NECTIN2: variants seen among roughly 807,000 people sequenced by gnomAD.
NECTIN2 encodes nectin cell adhesion molecule 2.
In NECTIN2, 23 loss-of-function variants were observed where a neutral mutation model predicts 56.9. The ratio of observed to expected loss-of-function variants is 0.40; its 90% CI spans 0.29 to 0.57. The LOEUF (loss-of-function observed/expected upper bound fraction) is 0.57. Ranked by LOEUF, NECTIN2 falls within the 20% of genes least tolerant of loss-of-function variation. The pLI is 0.38. For synonymous variants in NECTIN2, 302 were observed against 313.8 expected (o/e 0.96, Z 0.40); for missense variants, 587 against 718.3 (o/e 0.82, Z 2.09).
intron 1 of NECTIN2, among the ~76,000 whole-genome samples, chr19:44,859,707 C>T (rs1363342380): frequency 1.3e-5 from 2 of 151,984 alleles, no homozygotes; most frequent in Non-Finnish European, 2.9e-5. Context: ...CACCTGTAAT[C>T]CCAGCTACTC....
chr19:44,885,939 T>C lies in NECTIN2; in HGVS notation c.1199T>C (p.Leu400Pro). 6.3e-7 allele frequency: 1 copy of C among 1,579,778 alleles called. No individual in the cohort carries two copies. Among genetic ancestry groups the C allele is most frequent in the Non-Finnish European group, 8.7e-7 (1 of 1,149,040 alleles). ...TLQGAEEDED[L>P]EGPPSYKPPT... ...TTGTCCTACCTCCTACCCCACAGCC[T>C]GGAGGGACCTCCCTCCTACAAGCCA... is the stretch of plus-strand genomic sequence containing the variant. Residue 400 changes from leucine (L) to proline (P), a missense_variant and splice_region_variant, in exon 7 of 9, where the codon CTG (leucine) becomes CCG (proline). By Grantham distance (98) the Leu-to-Pro change is moderately conservative. Transcript: ENST00000252483.
At position 44,888,864 on chromosome 19, in the gene NECTIN2, G is replaced by A. The variant is rs576760974; in HGVS notation, c.*485G>A. The A allele has an allele frequency of 6.4e-6, 1 of 156,428 alleles. No individual in the cohort carries two copies. The highest frequency in any genetic ancestry group is 6.2e-5 in the Admixed American group (1 of 16,010). The allele number at this position is 156,428 out of a possible 1,614,324, so 9.7% of individuals were successfully genotyped here. A position where few individuals can be genotyped will look rare whatever the true frequency, so the allele number is the denominator to read the frequency against. On this transcript the variant is annotated 3_prime_UTR_variant, in exon 9 of 9. Coordinates refer to ENST00000252483, the MANE Select transcript of NECTIN2 (RefSeq NM_001042724.2). ...TCCCCACCCTGTTCCCCAAAGGTGG[G>A]AAAGAGGGGATTCCCCAGCCCAAGG...
intron 5 of NECTIN2, among the ~76,000 whole-genome samples, chr19:44,881,429 A>C (rs1404985583): frequency 6.6e-6 from 1 of 151,894 alleles, no homozygotes; most frequent in Non-Finnish European, 1.5e-5. Flanking sequence ...ATAATCCCAG[A>C]ACGTTGGGAG....
At chr19:44,849,848 C>G (rs903694251) in intron 1 of NECTIN2, among the ~76,000 whole-genome samples, 15 of 152,164 alleles carry the variant, frequency 9.9e-5, no homozygotes. Flanking sequence ...GGTATCTTCT[C>G]AGGCTAATGA....
Position 44,874,983 on chromosome 19 carries a change from C to T in NECTIN2, c.1042+505C>T, listed in dbSNP as rs1055691039. On this transcript the variant is annotated intron_variant, in intron 5 of 8. Coordinates refer to ENST00000252483, the MANE Select transcript of NECTIN2 (RefSeq NM_001042724.2). This position sits in a 1 kb window ranked among gnomAD's most constrained non-coding sequence, Gnocchi z 6.3. ...CAGGGCCACACACCTAGAGCGCGGC[C>T]GGGACTGTTAACAGAGCCATGCTTC... 1.3e-5 allele frequency among the ~76,000 whole-genome samples: 2 copies of T among 152,142 alleles called. No individual in the cohort carries two copies. The highest frequency in any genetic ancestry group is 2.9e-5 in the Non-Finnish European group (2 of 68,028).
chr19:44,846,333 A>G lies in NECTIN2; in HGVS notation c.-193A>G. On this transcript the variant is annotated 5_prime_UTR_variant, in exon 1 of 9. Coordinates refer to ENST00000252483, the MANE Select transcript of NECTIN2 (RefSeq NM_001042724.2). ...GGGTTCGAACCGCCGGAGCTGAGCG[A>G]GAGGCCGGGGGTGCCGAGCCGGGCG... is the stretch of plus-strand genomic sequence containing the variant. 1 of 593,606 alleles carries G rather than the reference A, an allele frequency of 1.7e-6. No homozygotes were observed. Among genetic ancestry groups the G allele is most frequent in the Non-Finnish European group, 2.6e-6 (1 of 381,340 alleles). 36.8% of individuals were successfully genotyped at this position (593,606 alleles called of 1,614,324 possible).
At chr19:44,878,866 G>A in intron 5 of NECTIN2, 1 of 1,303,602 alleles carries the variant, frequency 7.7e-7, no homozygotes, top group Non-Finnish European at 9.7e-7. Context: ...CGCCCCCAGA[G>A]ACTTGGTTTT....
intron 1 of NECTIN2, among the ~76,000 whole-genome samples, chr19:44,858,525 A>G (rs926231076): frequency 2.0e-5 from 3 of 151,218 alleles, no homozygotes; most frequent in African/African-American, 7.3e-5. Flanking sequence ...GTTTCACCAT[A>G]TTGGCCAGGC....
rs753332468 is a variant in NECTIN2 at position 44,868,445 on chromosome 19, CT to C, written c.478+2793del. Among the ~76,000 whole-genome samples the C allele has an allele frequency of 3.3e-3, 402 of 122,672 alleles. 1 individual carries two copies. The highest frequency in any genetic ancestry group is 0.012 in the African/African-American group (388 of 33,532). 80.5% of individuals were successfully genotyped at this position (122,672 alleles called of 152,430 possible). On this transcript the variant is annotated intron_variant, in intron 2 of 8. Transcript: ENST00000252483. ...CAGGGAAGATTTTTTTTGAAGGATG[CT>C]TTTTTTTCTTTTCCTTTTTCTTTTT...
intron 1 of NECTIN2, among the ~76,000 whole-genome samples, chr19:44,853,730 G>C (rs932445513): frequency 3.2e-4 from 49 of 152,206 alleles, no homozygotes; most frequent in African/African-American, 1.2e-3. Flanking sequence ...CTCGTGATCC[G>C]CCCTCCTCGG....
rs754602199 is a variant in NECTIN2, at chr19:44,873,985, G to A, written c.845G>A (p.Ser282Asn). The part of the protein sequence containing the change: ...WYLGRTDATL[S>N]CDVRSNPEPT... Reference sequence around the variant, plus strand: ...CTCGGCCGTACTGATGCCACCCTGAGCTGTGACGTCCGCAGCAACCCAGAG... The same window carrying A: ...CTCGGCCGTACTGATGCCACCCTGAACTGTGACGTCCGCAGCAACCCAGAG... The change falls in exon 4 of 9, where the codon AGC (serine) becomes AAC (asparagine). Residue 282 changes from serine to asparagine, a missense_variant. Physicochemically the swap from Ser to Asn is conservative, Grantham distance 46 (BLOSUM62 1). Coordinates refer to ENST00000252483, the MANE Select transcript of NECTIN2 (RefSeq NM_001042724.2). 3 of 1,614,036 alleles carry A rather than the reference G, an allele frequency of 1.9e-6. No individual in the cohort carries two copies. Among genetic ancestry groups the A allele is most frequent in the Non-Finnish European group, 2.5e-6 (3 of 1,180,026 alleles).
chr19:44,861,640 G>A (rs1969032625), intron 1 of NECTIN2, among the ~76,000 whole-genome samples: 1 of 152,014 alleles, frequency 6.6e-6, no homozygotes, highest in African/African-American at 2.4e-5. Flanking sequence ...AACCTACAAG[G>A]AATTTAAACA....
At position 44,875,149 on chromosome 19, in the gene NECTIN2, C is replaced by G. The variant is rs1969221778; in HGVS notation, c.1042+671C>G. Among the ~76,000 whole-genome samples, 1 of 152,210 alleles carries G rather than the reference C, an allele frequency of 6.6e-6. No individual in the cohort carries two copies. Among genetic ancestry groups the G allele is most frequent in the African/African-American group, 2.4e-5 (1 of 41,446 alleles). ...AGAGATGCATCAGAATCCAGACACT[C>G]ACCTGGATGGTAACCCTGCACGCTC... On this transcript the variant is annotated intron_variant, in intron 5 of 8. Coordinates refer to ENST00000252483, the MANE Select transcript of NECTIN2 (RefSeq NM_001042724.2). This position sits in a 1 kb window ranked among gnomAD's most constrained non-coding sequence, Gnocchi z 4.2.
In NECTIN2 at chr19:44,865,539, G is replaced by A. The variant is rs2122665572; in HGVS notation, c.357G>A (p.Glu119=). 2 of 1,577,026 alleles carry A rather than the reference G, an allele frequency of 1.3e-6. No homozygotes were observed. The highest frequency in any genetic ancestry group is 3.7e-5 in the Admixed American group (2 of 54,360). ...GCACTGGGCAAGACACAGAGGCAGAGCTCCAGGACGCCACGCTGGCCCTCC... is the reference window on the plus strand; with the variant it reads ...GCACTGGGCAAGACACAGAGGCAGAACTCCAGGACGCCACGCTGGCCCTCC... ...KQSTGQDTEA[E]LQDATLALHG... is the part of the protein sequence containing the mutation. The change falls in exon 2 of 9, where the codon GAG becomes GAA. Residue 119 remains glutamate, a synonymous_variant. Transcript: ENST00000252483. This position sits in a 1 kb window ranked among gnomAD's most constrained non-coding sequence, Gnocchi z 5.2.
At chr19:44,872,173 TC>T (rs762109442) in intron 3 of NECTIN2, 24 bp downstream of exon 3, 35 of 1,601,792 alleles carry the variant, frequency 2.2e-5, no homozygotes, top group Non-Finnish European at 2.7e-5. Context: ...GGGTGACCCC[TC>T]CCCCATCAAA....
intron 1 of NECTIN2, among the ~76,000 whole-genome samples, chr19:44,849,304 G>A (rs1221629184): frequency 1.3e-5 from 2 of 152,184 alleles, no homozygotes; most frequent in Non-Finnish European, 2.9e-5. Flanking sequence ...ATAGATACCA[G>A]ATGAAGGCAG....
Position 44,865,447 on chromosome 19 carries a change from A to T in NECTIN2, c.265A>T (p.Met89Leu). Residue 89 changes from methionine (M) to leucine (L), a missense_variant, in exon 2 of 9, where the codon ATG becomes TTG. Met to Leu is a conservative substitution (Grantham distance 15). Transcript: ENST00000252483. The surrounding 1 kb of genome is among the most constrained non-coding windows in gnomAD (Gnocchi z 5.2). ...HQNVAAFHPK[M>L]GPSFPSPKPG... is the part of the protein sequence containing the mutation. ...GAATGTGGCCGCCTTCCACCCTAAG[A>T]TGGGTCCCAGCTTCCCCAGCCCGAA... 1 of 1,613,928 alleles carries T rather than the reference A, an allele frequency of 6.2e-7. No individual in the cohort carries two copies. The highest frequency in any genetic ancestry group is 8.5e-7 in the Non-Finnish European group (1 of 1,179,974).
At chr19:44,868,553 A>G (rs1476747670) in intron 2 of NECTIN2, among the ~76,000 whole-genome samples, 3 of 143,064 alleles carry the variant, frequency 2.1e-5, no homozygotes, top group African/African-American at 7.9e-5. Flanking sequence ...GGATCCTCCT[A>G]CCTCCGCCTC....
intron 8 of NECTIN2, 105 bp downstream of exon 8, chr19:44,886,324 C>A: frequency 1.1e-6 from 1 of 904,038 alleles, no homozygotes; most frequent in Non-Finnish European, 1.7e-6. Flanking sequence ...AACTCAAGGT[C>A]AAGGGTGTGT....
Sources: gnomAD v4.1 joint callset for allele counts (sites outside exome capture counted in the v4.1 genomes callset) on GRCh38, gnomAD v4.1.1 for gene constraint, Gnocchi (gnomAD v3.1) non-coding constraint, MANE v1.5 for transcripts, NCBI Gene and HGNC (gene_info 2026-07-23, HGNC 2026-07-21) for gene names.